Variants in AFF3 observed in about 807,000 individuals in gnomAD.
The protein encoded by AFF3 is ALF transcription elongation factor 3.
AFF3 carries 32 observed loss-of-function variants against 129.7 expected under a neutral mutation model. The observed-to-expected ratio is 0.25, with a 90% confidence interval of 0.19 to 0.33. The LOEUF (loss-of-function observed/expected upper bound fraction) is 0.33, where lower values mean the gene tolerates loss of function less well. AFF3 is among the 10% of genes least tolerant of loss of function. The pLI, the probability that AFF3 is intolerant of heterozygous loss-of-function variation, is 1.00. For missense variants in AFF3, 1,373 were observed against 1,592.0 expected, an observed-to-expected ratio of 0.86 and a Z score of 2.34; for synonymous variants, 644 against 635.4, an observed-to-expected ratio of 1.01 and a Z score of -0.20.
chr2:99,821,300 G>A (rs552997570), intron 8 of AFF3, among the ~76,000 whole-genome samples: 1 of 152,220 alleles, frequency 6.6e-6, no homozygotes, highest in South Asian at 2.1e-4. Context: ...TGTTTTACAG[G>A]TAACTTTTTA....
chr2:99,669,736 G>A (rs151258453), intron 12 of AFF3, among the ~76,000 whole-genome samples: 10 of 152,268 alleles, frequency 6.6e-5, no homozygotes, highest in African/African-American at 9.6e-5. Context: ...TTGGGAGGCC[G>A]AGGCGGGTGG....
chr2:99,989,296 A>T (rs1680138044), intron 7 of AFF3, among the ~76,000 whole-genome samples: 1 of 152,248 alleles, frequency 6.6e-6, no homozygotes, highest in South Asian at 2.1e-4. Context: ...CCCACAGAAG[A>T]AGTCATCTGA....
At chr2:100,109,790 T>C (rs1691452814) in intron 2 of AFF3, 1 of 152,156 alleles carries the variant, frequency 6.6e-6, no homozygotes, top group Non-Finnish European at 1.5e-5. Flanking sequence ...TGCAGGTGAG[T>C]ATGCTAAGGA....
intron 4 of AFF3, among the ~76,000 whole-genome samples, chr2:100,041,069 T>C (rs186761852): frequency 3.4e-4 from 52 of 152,312 alleles, no homozygotes; most frequent in African/African-American, 1.0e-3. Context: ...CTGTGTGTGA[T>C]TGATGGCTCT....
intron 20 of AFF3, among the ~76,000 whole-genome samples, chr2:99,561,974 C>G (rs1006656221): frequency 2.6e-5 from 4 of 152,072 alleles, no homozygotes; most frequent in Non-Finnish European, 4.4e-5. Flanking sequence ...TTCTTTGAAC[C>G]CTTGGAAACT....
intron 7 of AFF3, among the ~76,000 whole-genome samples, chr2:99,894,757 G>A (rs1422193083): frequency 6.6e-6 from 1 of 152,194 alleles, no homozygotes; most frequent in East Asian, 1.9e-4. Context: ...TTACAGGCGT[G>A]AGCCACTGCA....
chr2:100,088,033 A>T (rs1044982415), intron 4 of AFF3, among the ~76,000 whole-genome samples: 16 of 150,690 alleles, frequency 1.1e-4, no homozygotes, highest in African/African-American at 3.4e-4. Context: ...AACCTGATAA[A>T]GGGCATCTAT....
At chr2:99,719,040 C>G (rs925088174) in intron 11 of AFF3, among the ~76,000 whole-genome samples, 3 of 143,014 alleles carry the variant, frequency 2.1e-5, no homozygotes, top group African/African-American at 7.8e-5. Flanking sequence ...TGTGAGCCAA[C>G]GCGCCCGGCC....
At position 100,126,054 on chromosome 2, in the gene AFF3, G is replaced by A. The variant is rs944484361; in HGVS notation, c.-145+3170C>T. ...TAATTACTTTGAGCAACCAAAAAAAGAGAAGAAAATGCTACCTATTAGATA... is the reference window on the plus strand; with the variant it reads ...TAATTACTTTGAGCAACCAAAAAAAAAGAAGAAAATGCTACCTATTAGATA... On this transcript the variant is annotated intron_variant, in intron 2 of 24. Transcript: ENST00000672756. Among the ~76,000 whole-genome samples, 5 of 152,186 alleles carry A rather than the reference G, an allele frequency of 3.3e-5. No individual in the cohort carries two copies. The East Asian group carries it at 9.6e-4, about 29-fold the overall frequency.
chr2:99,958,797 T>C (rs142816464), intron 7 of AFF3, among the ~76,000 whole-genome samples: 15 of 151,998 alleles, frequency 9.9e-5, no homozygotes. Context: ...CAGAGGATTT[T>C]TGAGGGGAGG....
chr2:99,942,112 T>C (rs1198004833), intron 7 of AFF3, among the ~76,000 whole-genome samples: 1 of 152,170 alleles, frequency 6.6e-6, no homozygotes, highest in Non-Finnish European at 1.5e-5. Flanking sequence ...AGTGAATCGT[T>C]CAGCACTTAC....
Position 100,129,957 on chromosome 2 carries a change from C to T in AFF3, c.-227-651G>A, listed in dbSNP as rs79025018. 2.2e-4 allele frequency among the ~76,000 whole-genome samples: 33 copies of T among 152,324 alleles called. 1 individual carries two copies. The East Asian group carries it at 6.0e-3, about 28-fold the overall frequency. On this transcript the variant is annotated intron_variant, in intron 1 of 24. Transcript: ENST00000672756. ...AGTTGGGATTTCAGTCCAGGTCTAA[C>T]ACTCAATGAAGCCTTTACACGTGGC...
At chr2:99,559,084 T>C (rs1335309876) in intron 21 of AFF3, 116 bp from the exon 22 acceptor site, 3 of 844,548 alleles carry the variant, frequency 3.6e-6, no homozygotes, top group African/African-American at 3.4e-5. Flanking sequence ...TGTTTCTACA[T>C]AGGAAATCTT....
chr2:99,844,358 G>A (rs1431024538), intron 7 of AFF3, among the ~76,000 whole-genome samples: 1 of 148,916 alleles, frequency 6.7e-6, no homozygotes, highest in Non-Finnish European at 1.5e-5. Flanking sequence ...TATTTCCACT[G>A]TTTCAAAGTA....
chr2:99,607,162 T>C (rs1037722544), intron 13 of AFF3, among the ~76,000 whole-genome samples: 4 of 152,100 alleles, frequency 2.6e-5, no homozygotes, highest in Admixed American at 2.6e-4. Context: ...CTGCTTGGTG[T>C]GTTTCTTCCT....
intron 4 of AFF3, among the ~76,000 whole-genome samples, chr2:100,071,476 T>C (rs1395650934): frequency 6.6e-6 from 1 of 152,130 alleles, no homozygotes; most frequent in Non-Finnish European, 1.5e-5. Context: ...AACACGGACT[T>C]AGATCTGAAA....
intron 4 of AFF3, among the ~76,000 whole-genome samples, chr2:100,056,059 T>TCA (rs747714847): frequency 0.023 from 2,599 of 114,460 alleles, 33 homozygotes; most frequent in South Asian, 0.046. Flanking sequence ...TCGCTGTCTC[T>TCA]CTCTCACACA....
chr2:99,655,407 A>C (rs1370865121), intron 12 of AFF3, among the ~76,000 whole-genome samples: 1 of 152,194 alleles, frequency 6.6e-6, no homozygotes, highest in Non-Finnish European at 1.5e-5. Flanking sequence ...AGGATAAAGA[A>C]AAATGATCAC....
At chr2:100,042,130 TTC>T (rs916954803) in intron 4 of AFF3, among the ~76,000 whole-genome samples, 7 of 152,116 alleles carry the variant, frequency 4.6e-5, no homozygotes, top group Non-Finnish European at 1.0e-4. Context: ...TCTTCCTTTG[TTC>T]TTTGTCTCTT....
Sources: gnomAD v4.1 joint callset for allele counts (sites outside exome capture counted in the v4.1 genomes callset) on GRCh38, gnomAD v4.1.1 for gene constraint, MANE v1.5 for transcripts, NCBI Gene and HGNC (gene_info 2026-07-23, HGNC 2026-07-21) for gene names.